ESRRG: variants seen among roughly 807,000 people sequenced by gnomAD.
ESRRG encodes the protein estrogen-related receptor gamma.
ESRRG carries 13 observed loss-of-function variants against 44.0 expected under a neutral mutation model. The observed-to-expected ratio is 0.30, with a 90% CI of 0.19 to 0.47. ESRRG has a LOEUF of 0.47. Ranked by LOEUF, ESRRG falls within the 20% of genes least tolerant of loss-of-function variation. The probability of loss-of-function intolerance (pLI) is 1.00; values close to 1 mark genes in which losing one functional copy is unlikely to be tolerated. For synonymous variants in ESRRG, 215 were observed against 214.6 expected, an observed-to-expected ratio of 1.00 and a Z score of -0.02; for missense variants, 395 against 580.6, an observed-to-expected ratio of 0.68 and a Z score of 3.29.
chr1:217,117,447 T>C (rs1216291062), intron 1 of ESRRG, among the ~76,000 whole-genome samples: 1 of 151,866 alleles, frequency 6.6e-6, no homozygotes, highest in African/African-American at 2.4e-5. Context: ...TAGCTAAGGG[T>C]AGTGGTGCAT....
intron 3 of ESRRG, among the ~76,000 whole-genome samples, chr1:216,597,500 G>C (rs1472626388): frequency 1.3e-5 from 2 of 152,116 alleles, no homozygotes; most frequent in Non-Finnish European, 2.9e-5. Context: ...ATTTGGAACT[G>C]TGTTTTCTAA....
chr1:216,766,458 G>C (rs535171212), intron 2 of ESRRG, among the ~76,000 whole-genome samples: 1 of 151,956 alleles, frequency 6.6e-6, no homozygotes, highest in South Asian at 2.1e-4. Flanking sequence ...CACAGCCCCA[G>C]TCCAAATTTG....
chr1:216,664,703 A>C (rs576743100), intron 2 of ESRRG, among the ~76,000 whole-genome samples: 9 of 151,064 alleles, frequency 6.0e-5, no homozygotes, highest in African/African-American at 2.2e-4. Context: ...AAAAAAAAAA[A>C]AAAACAGAAA....
Position 216,743,825 on chromosome 1 carries a change from A to C in ESRRG, c.-13-66334T>G, listed in dbSNP as rs182916755. On this transcript the variant is annotated intron_variant, in intron 2 of 7. Transcript: ENST00000359162. ...TTTAGTTCATCTGAACCTCACAATC[A>C]TCTCAGTAACATTCTAATTTTACTG... Among the ~76,000 whole-genome samples, 6 of 152,320 alleles carry C rather than the reference A, an allele frequency of 3.9e-5. No homozygotes were observed. In the East Asian group the frequency reaches 1.2e-3, roughly 29 times the overall value.
chr1:216,906,717 G>C (rs1355397044), intron 2 of ESRRG, among the ~76,000 whole-genome samples: 1 of 152,206 alleles, frequency 6.6e-6, no homozygotes, highest in Non-Finnish European at 1.5e-5. Flanking sequence ...ACCTAGAAGA[G>C]AGAAAGTAAA....
At chr1:217,008,625 G>A (rs1023407874) in intron 1 of ESRRG, among the ~76,000 whole-genome samples, 1 of 152,170 alleles carries the variant, frequency 6.6e-6, no homozygotes. Context: ...AACCCCAAGG[G>A]CAACACAGAT....
At chr1:216,706,636 T>C (rs1321593172) in intron 1 of ESRRG, among the ~76,000 whole-genome samples, 1 of 152,190 alleles carries the variant, frequency 6.6e-6, no homozygotes, top group Non-Finnish European at 1.5e-5. Context: ...CTCAGTAACA[T>C]GTAGTATAAA....
intron 2 of ESRRG, among the ~76,000 whole-genome samples, chr1:216,744,598 T>A (rs936793479): frequency 8.5e-5 from 13 of 152,088 alleles, no homozygotes; most frequent in African/African-American, 3.1e-4. Context: ...TGTCCAACAA[T>A]TAAAAATAAC....
rs867780805 is a variant in ESRRG at position 217,051,215 on chromosome 1, G to T, written c.-106+38292C>A. On this transcript the variant is annotated intron_variant, in intron 1 of 7. Coordinates refer to the ESRRG transcript ENST00000359162. ...GTGGATAATGGGGGCGGGGGGGGGG[G>T]GTGCCAGGGGAATTGTAAGACTGGG... 3.9e-4 allele frequency among the ~76,000 whole-genome samples: 46 copies of T among 118,742 alleles called. 4 individuals carry two copies. Among genetic ancestry groups the T allele is most frequent in the Non-Finnish European group, 1.8e-4 (10 of 55,642 alleles). The allele number at this position is 118,742 out of a possible 152,430, so 77.9% of individuals were successfully genotyped here.
intron 1 of ESRRG, among the ~76,000 whole-genome samples, chr1:217,013,583 AAG>A (rs1407365007): frequency 6.6e-6 from 1 of 152,204 alleles, no homozygotes; most frequent in Non-Finnish European, 1.5e-5. Flanking sequence ...GCTCACAGAA[AAG>A]AGAGGTTAAG....
chr1:216,590,354 A>C (rs958511281), intron 3 of ESRRG, among the ~76,000 whole-genome samples: 5 of 152,154 alleles, frequency 3.3e-5, no homozygotes, highest in African/African-American at 1.2e-4. Context: ...CAGAAAAAAA[A>C]CTCATGAGAT....
intron 2 of ESRRG, among the ~76,000 whole-genome samples, chr1:216,831,507 A>G (rs1187663717): frequency 2.0e-5 from 3 of 150,736 alleles, no homozygotes; most frequent in African/African-American, 7.3e-5. Context: ...GGAGAAAAAG[A>G]GAGAGAGAGA....
chr1:216,737,635 G>A (rs2090121379), intron 2 of ESRRG, among the ~76,000 whole-genome samples: 1 of 152,138 alleles, frequency 6.6e-6, no homozygotes, highest in African/African-American at 2.4e-5. Context: ...TGTAAAGGAA[G>A]TGTATGTAAA....
chr1:217,053,108 G>A (rs2086360350), intron 1 of ESRRG, among the ~76,000 whole-genome samples: 1 of 136,606 alleles, frequency 7.3e-6, no homozygotes, highest in African/African-American at 2.8e-5. Context: ...GATACCAGCT[G>A]AGGTAACATA....
At chr1:216,657,873 T>C (rs1291552250) in intron 2 of ESRRG, among the ~76,000 whole-genome samples, 1 of 152,124 alleles carries the variant, frequency 6.6e-6, no homozygotes, top group Non-Finnish European at 1.5e-5. Flanking sequence ...CTTTTGCAGG[T>C]TGGTTCTTTA....
intron 1 of ESRRG, among the ~76,000 whole-genome samples, chr1:217,126,773 T>C (rs1290335300): frequency 6.6e-6 from 1 of 152,156 alleles, no homozygotes; most frequent in Non-Finnish European, 1.5e-5. Context: ...GTAATGATAA[T>C]ATGGTACTCT....
intron 1 of ESRRG, among the ~76,000 whole-genome samples, chr1:216,694,562 T>G (rs1356899850): frequency 6.6e-6 from 1 of 152,080 alleles, no homozygotes; most frequent in Non-Finnish European, 1.5e-5. Context: ...TTATTTTATT[T>G]TATTTTATTT....
intron 5 of ESRRG, among the ~76,000 whole-genome samples, chr1:216,553,981 C>T (rs4846528): frequency 0.27 from 41,549 of 152,026 alleles, 7,018 homozygotes; most frequent in Admixed American, 0.39. Context: ...GCATACAACA[C>T]AGCCTGCTTA....
At position 216,982,370 on chromosome 1, in the gene ESRRG, G is replaced by T. The variant is rs576423334; in HGVS notation, c.-105-42697C>A. ...TTATGTTCTAGATGGGCAATGATAGGCCATCTGAGCAAGAGATCTGAGCAC... is the reference window on the plus strand; with the variant it reads ...TTATGTTCTAGATGGGCAATGATAGTCCATCTGAGCAAGAGATCTGAGCAC... On this transcript the variant is annotated intron_variant, in intron 1 of 7. Coordinates refer to the ESRRG transcript ENST00000359162. Among the ~76,000 whole-genome samples the T allele has an allele frequency of 6.6e-5, 10 of 152,250 alleles. 1 individual carries two copies. In the South Asian group the frequency reaches 2.1e-3, roughly 32 times the overall value.
Sources: allele counts gnomAD v4.1 joint callset (sites outside exome capture counted in the v4.1 genomes callset), GRCh38; gene constraint gnomAD v4.1.1; transcripts MANE v1.5; gene names NCBI Gene and HGNC (gene_info 2026-07-23, HGNC 2026-07-21).